Variants in PLCH1 observed in about 807,000 individuals in gnomAD.
PLCH1 encodes phospholipase C eta 1, also known as 1-phosphatidylinositol 4,5-bisphosphate phosphodiesterase eta-1.
In PLCH1, 60 loss-of-function variants were observed where a neutral mutation model predicts 126.7. The observed-to-expected ratio is 0.47, with a 90% confidence interval of 0.38 to 0.59. The LOEUF (loss-of-function observed/expected upper bound fraction) is 0.59. PLCH1 is among the 20% of genes least tolerant of loss of function. PLCH1 has a pLI of 0.00. For synonymous variants in PLCH1, 719 were observed against 734.9 expected, an observed-to-expected ratio of 0.98 and a Z score of 0.35; for missense variants, 1,723 against 2,040.0, an observed-to-expected ratio of 0.84 and a Z score of 2.99.
At chr3:155,592,350 C>T (rs913273291) in intron 4 of PLCH1, among the ~76,000 whole-genome samples, 2 of 144,656 alleles carry the variant, frequency 1.4e-5, no homozygotes, top group African/African-American at 5.0e-5. Flanking sequence ...AAAAAATTAG[C>T]GGGGCATGGT....
chr3:155,665,342 G>A (rs1742607601), intron 2 of PLCH1, among the ~76,000 whole-genome samples: 1 of 152,172 alleles, frequency 6.6e-6, no homozygotes, highest in Non-Finnish European at 1.5e-5. Flanking sequence ...CAGGTCCAGT[G>A]TTGTTTGCAT....
intron 2 of PLCH1, among the ~76,000 whole-genome samples, chr3:155,702,746 C>T (rs56007034): frequency 0.12 from 18,117 of 152,034 alleles, 1,171 homozygotes; most frequent in East Asian, 0.19. Flanking sequence ...AAAAATAAAC[C>T]TAGTTCTTCT....
intron 2 of PLCH1, among the ~76,000 whole-genome samples, chr3:155,615,496 G>A (rs929306150): frequency 3.9e-5 from 6 of 152,160 alleles, no homozygotes; most frequent in African/African-American, 1.2e-4. Flanking sequence ...CATGTTTACA[G>A]CAGTACAATT....
chr3:155,693,605 GA>G lies in PLCH1; in HGVS notation c.79+10540del, dbSNP rs371445611. 3.9e-3 allele frequency among the ~76,000 whole-genome samples: 590 copies of G among 151,920 alleles called. 1 individual carries two copies. The highest frequency in any genetic ancestry group is 6.1e-3 in the Non-Finnish European group (414 of 67,954). On this transcript the variant is annotated intron_variant, in intron 2 of 22. Coordinates refer to ENST00000460012, the MANE Select transcript of PLCH1 (RefSeq NM_014996.4). ...CAGTGAACCTGTGTTGCTATCATCA[GA>G]AAAAATAAAGTGAAAAAATATTTTT... is the stretch of plus-strand genomic sequence containing the variant.
At chr3:155,636,664 C>T (rs1191160130) in intron 2 of PLCH1, among the ~76,000 whole-genome samples, 1 of 151,728 alleles carries the variant, frequency 6.6e-6, no homozygotes, top group Non-Finnish European at 1.5e-5. Flanking sequence ...AGGAGAATCA[C>T]TTGAACCCGG....
At chr3:155,680,674 A>G (rs1744440530) in intron 2 of PLCH1, among the ~76,000 whole-genome samples, 1 of 152,216 alleles carries the variant, frequency 6.6e-6, no homozygotes, top group Non-Finnish European at 1.5e-5. Flanking sequence ...GATTTGTAAA[A>G]ATGGTTATGC....
chr3:155,568,533 A>G (rs931533899), intron 6 of PLCH1, among the ~76,000 whole-genome samples: 3 of 152,208 alleles, frequency 2.0e-5, no homozygotes, highest in Non-Finnish European at 4.4e-5. Context: ...TGAATCAGCA[A>G]AAATAGCCCT....
At chr3:155,555,175 A>C (rs1726645722) in intron 8 of PLCH1, among the ~76,000 whole-genome samples, 1 of 152,220 alleles carries the variant, frequency 6.6e-6, no homozygotes, top group Admixed American at 6.5e-5. Flanking sequence ...TACCTCATAC[A>C]ATAGCTCTTG....
At chr3:155,609,659 GA>G in intron 2 of PLCH1, among the ~76,000 whole-genome samples, 1 of 151,980 alleles carries the variant, frequency 6.6e-6, no homozygotes, top group African/African-American at 2.4e-5. Context: ...TAAAGGATAT[GA>G]ATGAAAAATT....
chr3:155,505,786 G>A (rs1431447742), intron 12 of PLCH1, among the ~76,000 whole-genome samples: 1 of 152,124 alleles, frequency 6.6e-6, no homozygotes, highest in Non-Finnish European at 1.5e-5. Context: ...GAATTAAGAA[G>A]GCAGCTGGAT....
At chr3:155,694,384 C>A (rs1745646337) in intron 2 of PLCH1, among the ~76,000 whole-genome samples, 1 of 152,170 alleles carries the variant, frequency 6.6e-6, no homozygotes, top group Admixed American at 6.5e-5. Context: ...GGCTGGGAAC[C>A]ATTGATTTAA....
At chr3:155,483,470 G>T (rs909007925) in intron 22 of PLCH1, 1 of 656,518 alleles carries the variant, frequency 1.5e-6, no homozygotes, top group Non-Finnish European at 2.4e-6. Flanking sequence ...AGCTTTCAAA[G>T]TTATACATGT....
intron 2 of PLCH1, among the ~76,000 whole-genome samples, chr3:155,646,000 CTGGAG>C (rs1577230157): frequency 6.6e-6 from 1 of 152,076 alleles, no homozygotes; most frequent in East Asian, 1.9e-4. Flanking sequence ...GTATCTGGCC[CTGGAG>C]TGATTAGGCA....
Position 155,481,303 on chromosome 3 carries a change from G to A in PLCH1, c.4723C>T (p.Gln1575Ter). The change falls in exon 23 of 23, where the codon CAG becomes TAG. Residue 1575 changes from glutamine to a stop codon, truncating the protein, a stop_gained. Transcript: ENST00000460012. LOFTEE classifies it low-confidence loss of function (END_TRUNC). The surrounding 1 kb of genome is among the most constrained non-coding windows in gnomAD (Gnocchi z 4.2). ...CTAGCAATATTGCGCACTCTGCTCT[G>A]ACTTCTGGATGACAACTTCCTGACC... is the stretch of plus-strand genomic sequence containing the variant. ...ALVRKLSSRS[Q>*]SRVRNIASRA... 6.2e-7 allele frequency: 1 copy of A among 1,614,184 alleles called. No individual in the cohort carries two copies. The highest frequency in any genetic ancestry group is 2.2e-5 in the East Asian group (1 of 44,880).
At chr3:155,592,495 C>CGTCTCAAA (rs758599634) in intron 4 of PLCH1, among the ~76,000 whole-genome samples, 15 of 135,860 alleles carry the variant, frequency 1.1e-4, no homozygotes, top group Middle Eastern at 3.7e-3. Context: ...ACTCCATCTC[C>CGTCTCAAA]AAAAAAAAAA....
At chr3:155,644,649 A>C (rs912286261) in intron 2 of PLCH1, among the ~76,000 whole-genome samples, 17 of 152,296 alleles carry the variant, frequency 1.1e-4, no homozygotes, top group African/African-American at 4.1e-4. Flanking sequence ...TACTAATTCC[A>C]AAAAGCATGC....
At chr3:155,684,005 C>T in intron 2 of PLCH1, among the ~76,000 whole-genome samples, 1 of 152,172 alleles carries the variant, frequency 6.6e-6, no homozygotes, top group Non-Finnish European at 1.5e-5. Context: ...CTTGGACGTA[C>T]CTGATATCTT....
downstream of PLCH1, among the ~76,000 whole-genome samples, chr3:155,479,449 G>C (rs926631137): frequency 1.3e-5 from 2 of 152,056 alleles, no homozygotes; most frequent in African/African-American, 4.8e-5. Context: ...AAGGGAACCA[G>C]GGACCAAGTG....
intron 22 of PLCH1, among the ~76,000 whole-genome samples, chr3:155,484,836 A>G (rs773566991): frequency 6.6e-6 from 1 of 152,202 alleles, no homozygotes; most frequent in Non-Finnish European, 1.5e-5. Flanking sequence ...GTCAGCATCC[A>G]AGGATCAGGG....
Sources: allele counts gnomAD v4.1 joint callset (sites outside exome capture counted in the v4.1 genomes callset), GRCh38; gene constraint gnomAD v4.1.1; non-coding constraint Gnocchi (gnomAD v3.1); transcripts MANE v1.5; gene names NCBI Gene and HGNC (gene_info 2026-07-23, HGNC 2026-07-21).